Variants in SEMA3D observed in about 807,000 individuals in gnomAD.
SEMA3D encodes semaphorin 3D.
Under a neutral mutation model 100.1 loss-of-function variants are expected in SEMA3D, and 84 were observed. That is an observed-to-expected ratio of 0.84 (90% confidence interval 0.70 to 1.01). The LOEUF (loss-of-function observed/expected upper bound fraction) is 1.01. Ranked by LOEUF, SEMA3D falls within the 50% of genes least tolerant of loss-of-function variation. The pLI is 0.00. For missense variants in SEMA3D, 875 were observed against 934.1 expected, an observed-to-expected ratio of 0.94 and a Z score of 0.82; for synonymous variants, 312 against 320.7, an observed-to-expected ratio of 0.97 and a Z score of 0.29.
chr7:85,097,123 T>C (rs1459942308), intron 4 of SEMA3D, among the ~76,000 whole-genome samples: 1 of 151,854 alleles, frequency 6.6e-6, no homozygotes, highest in East Asian at 1.9e-4. Context: ...TACTAGTTAA[T>C]AGACAATGTC....
chr7:85,212,640 A>T, the SEMA3D span, among the ~76,000 whole-genome samples: 1 of 152,010 alleles, frequency 6.6e-6, no homozygotes, highest in African/African-American at 2.4e-5. Context: ...TAATATTAAA[A>T]TTTTATAATG....
At chr7:85,151,250 T>C (rs1790376121) in intron 2 of SEMA3D, among the ~76,000 whole-genome samples, 1 of 151,956 alleles carries the variant, frequency 6.6e-6, no homozygotes, top group Non-Finnish European at 1.5e-5. Context: ...AAGAAAATGG[T>C]CCATTTTCTC....
the SEMA3D span, among the ~76,000 whole-genome samples, chr7:85,242,425 A>G: frequency 6.6e-6 from 1 of 152,004 alleles, no homozygotes; most frequent in East Asian, 1.9e-4. Flanking sequence ...TTTTTTATTG[A>G]CCTATATGCT....
rs146912211 is a variant in SEMA3D at position 85,161,720 on chromosome 7, A to G, written c.-172-7981T>C. Among the ~76,000 whole-genome samples, 3 of 152,234 alleles carry G rather than the reference A, an allele frequency of 2.0e-5. No individual in the cohort carries two copies. The East Asian group carries it at 5.8e-4, about 29-fold the overall frequency. On this transcript the variant is annotated intron_variant, in intron 1 of 18. Transcript: ENST00000284136. ...GGCCAATCTGTGTTTTTTTCTATGA[A>G]TCACTCTGTAATACCCATTATAGGA... is the stretch of plus-strand genomic sequence containing the variant.
chr7:85,246,420 T>A, the SEMA3D span, among the ~76,000 whole-genome samples: 10 of 151,984 alleles, frequency 6.6e-5, no homozygotes, highest in Non-Finnish European at 1.3e-4. Flanking sequence ...TCCTTCAGAT[T>A]TTTTTTTCTG....
At chr7:85,011,207 G>A (rs1789942491) in intron 17 of SEMA3D, among the ~76,000 whole-genome samples, 3 of 151,878 alleles carry the variant, frequency 2.0e-5, no homozygotes, top group South Asian at 2.1e-4. Context: ...ACTGGCTCTA[G>A]CACACAAATG....
the SEMA3D span, among the ~76,000 whole-genome samples, chr7:85,245,279 G>A: frequency 6.6e-6 from 1 of 152,144 alleles, no homozygotes; most frequent in Non-Finnish European, 1.5e-5. Context: ...AAGAACAAGA[G>A]AACCTGCAGA....
chr7:85,069,420 TG>T (rs1791712856), intron 6 of SEMA3D, among the ~76,000 whole-genome samples: 1 of 152,146 alleles, frequency 6.6e-6, no homozygotes, highest in Non-Finnish European at 1.5e-5. Context: ...CAAATAATAA[TG>T]GTACCTTTAT....
chr7:85,040,690 T>G lies in SEMA3D; in HGVS notation c.1029A>C (p.Gly343=). 2.0e-6 allele frequency: 3 copies of G among 1,477,912 alleles called. No individual in the cohort carries two copies. Among genetic ancestry groups the G allele is most frequent in the South Asian group, 2.3e-5 (2 of 87,138 alleles). 91.5% of individuals were successfully genotyped at this position (1,477,912 alleles called of 1,614,324 possible). A position where few individuals can be genotyped will look rare whatever the true frequency, so the allele number is the denominator to read the frequency against. The part of the protein sequence containing the change: ...TRDERNPVVY[G]VFTTTSSIFK... ...GAACATACCTGGTTGTAGTAAAGAC[T>G]CCATATACTACAGGATTTCTTTCAT... The change falls in exon 11 of 19, where the codon GGA becomes GGC. Residue 343 remains glycine, a synonymous_variant. Transcript: ENST00000284136.
chr7:85,153,057 G>C (rs537752844), intron 2 of SEMA3D, among the ~76,000 whole-genome samples: 1 of 152,182 alleles, frequency 6.6e-6, no homozygotes, highest in East Asian at 1.9e-4. Context: ...CCAAAGATTG[G>C]TTCCAGGAAC....
intron 8 of SEMA3D, among the ~76,000 whole-genome samples, chr7:85,063,124 C>T (rs1307733661): frequency 1.3e-5 from 2 of 152,106 alleles, no homozygotes. Context: ...TTATAACGCC[C>T]TGTGAATAGA....
rs1789498510 is a variant in SEMA3D, at chr7:84,996,321, C to T, written c.*3119G>A. The T allele has an allele frequency of 6.6e-6, 1 of 151,802 alleles. No homozygotes were observed. The highest frequency in any genetic ancestry group is 2.4e-5 in the African/African-American group (1 of 41,378). The allele number at this position is 151,802 out of a possible 1,614,324, so 9.4% of individuals were successfully genotyped here. A position where few individuals can be genotyped will look rare whatever the true frequency, so the allele number is the denominator to read the frequency against. Reference sequence around the variant, plus strand: ...AGAATATGAAGAACCAAAATATGAACCAAAAGCAAAATTCAAGAGTAAGAC... The same window carrying T: ...AGAATATGAAGAACCAAAATATGAATCAAAAGCAAAATTCAAGAGTAAGAC... On this transcript the variant is annotated 3_prime_UTR_variant, in exon 19 of 19. Transcript: ENST00000284136.
chr7:85,003,785 AG>A (rs1414668959), intron 18 of SEMA3D, among the ~76,000 whole-genome samples: 1 of 152,108 alleles, frequency 6.6e-6, no homozygotes, highest in African/African-American at 2.4e-5. Flanking sequence ...TAATATTCAA[AG>A]AAGTAGATAT....
chr7:85,086,953 A>C (rs1038478607), intron 4 of SEMA3D, among the ~76,000 whole-genome samples: 5 of 152,188 alleles, frequency 3.3e-5, no homozygotes, highest in African/African-American at 1.2e-4. Context: ...ATTAAAAGTC[A>C]GCCCTCAGGA....
At chr7:85,239,635 A>C in the SEMA3D span, among the ~76,000 whole-genome samples, 1 of 152,190 alleles carries the variant, frequency 6.6e-6, no homozygotes, top group South Asian at 2.1e-4. Context: ...GCTTCATAAT[A>C]AACTAAGGAA....
rs1584512673 is a variant in SEMA3D, at chr7:84,997,316, T to A, written c.*2124A>T. 4 of 152,082 alleles carry A rather than the reference T, an allele frequency of 2.6e-5. No individual in the cohort carries two copies. Among genetic ancestry groups the A allele is most frequent in the Admixed American group, 6.6e-5 (1 of 15,258 alleles). The allele number at this position is 152,082 out of a possible 1,614,324, so 9.4% of individuals were successfully genotyped here. ...CCCACAAATATTTGGAAATTTTTTT[T>A]AAATTAAAAATGTTCCCACTTAATT... On this transcript the variant is annotated 3_prime_UTR_variant, in exon 19 of 19. Coordinates refer to ENST00000284136, the MANE Select transcript of SEMA3D (RefSeq NM_001384900.1).
At chr7:85,232,529 G>C in the SEMA3D span, among the ~76,000 whole-genome samples, 7 of 152,222 alleles carry the variant, frequency 4.6e-5, no homozygotes, top group Admixed American at 1.3e-4. Context: ...CACATGGACT[G>C]TGAAACAAGC....
At chr7:85,035,447 T>C (rs1368279305) in intron 12 of SEMA3D, among the ~76,000 whole-genome samples, 3 of 151,912 alleles carry the variant, frequency 2.0e-5, no homozygotes, top group Non-Finnish European at 4.4e-5. Context: ...CATGAATGAA[T>C]CTTAAGGACG....
intron 11 of SEMA3D, 118 bp downstream of exon 11, chr7:85,040,555 G>A (rs1790829400): frequency 3.3e-6 from 2 of 611,852 alleles, no homozygotes; most frequent in Non-Finnish European, 5.8e-6. Flanking sequence ...AAGGTAAAAT[G>A]AAAAAAAAAG....
Sources: gnomAD v4.1 joint callset for allele counts (sites outside exome capture counted in the v4.1 genomes callset) on GRCh38, gnomAD v4.1.1 for gene constraint, MANE v1.5 for transcripts, NCBI Gene and HGNC (gene_info 2026-07-23, HGNC 2026-07-21) for gene names.